MPRIP: variants seen among roughly 807,000 people sequenced by gnomAD.
MPRIP encodes myosin phosphatase Rho-interacting protein.
Under a neutral mutation model 234.9 loss-of-function variants are expected in MPRIP, and 59 were observed. The observed-to-expected ratio is 0.25, with a 90% CI of 0.20 to 0.31. MPRIP has a LOEUF of 0.31. Among genes scored for constraint, MPRIP ranks in the 10% least tolerant of loss-of-function variants. The pLI is 1.00. For missense variants in MPRIP, 2,436 were observed against 3,071.0 expected (o/e 0.79, Z 4.89); for synonymous variants, 1,144 against 1,263.9 (o/e 0.91, Z 2.01).
Position 17,164,544 on chromosome 17 carries a change from G to A in MPRIP, c.2953G>A (p.Asp985Asn). The part of the protein sequence containing the change: ...GLETQQALQR[D>N]RQKEVQRLQE... ...GGAGACACAGCAGGCGCTGCAGCGG[G>A]ACCGGCAGAAGGAGGTCCAGAGGCT... The change falls in exon 16 of 24, where the codon GAC becomes AAC. Residue 985 changes from aspartate to asparagine, a missense_variant. Transcript: ENST00000651222. The A allele has an allele frequency of 5.0e-6, 6 of 1,209,206 alleles. No homozygotes were observed. The highest frequency in any genetic ancestry group is 5.3e-6 in the Non-Finnish European group (5 of 946,822). 74.9% of individuals were successfully genotyped at this position (1,209,206 alleles called of 1,614,324 possible).
rs80094875 is a variant in MPRIP at position 17,167,870 on chromosome 17, G to C, written c.6279G>C (p.Ala2093=). 3.8e-6 allele frequency: 5 copies of C among 1,304,108 alleles called. No individual in the cohort carries two copies. In the East Asian group the frequency reaches 2.8e-4, roughly 72 times the overall value. The allele number at this position is 1,304,108 out of a possible 1,614,324, so 80.8% of individuals were successfully genotyped here. ...ELGHKDLEGD[A]ATLREKYQRD... ...GACACAAGGACCTGGAGGGCGACGC[G>C]GCCACACTGCGTGAGAAGTACCAGA... Residue 2093 remains alanine, a synonymous_variant, in exon 16 of 24, where the codon GCG becomes GCC. Transcript: ENST00000651222. This position sits in a 1 kb window ranked among gnomAD's most constrained non-coding sequence, Gnocchi z 5.9.
chr17:17,184,327 G>C (rs1475883786), intron 23 of MPRIP, among the ~76,000 whole-genome samples: 6 of 152,244 alleles, frequency 3.9e-5, no homozygotes, highest in African/African-American at 1.4e-4. Context: ...GGCAGCAGGT[G>C]CTGCGGAGGC....
Position 17,191,993 on chromosome 17 carries a change from C to T in MPRIP, c.*7099C>T, listed in dbSNP as rs1206888717. The T allele has an allele frequency of 1.3e-5, 2 of 152,152 alleles. No homozygotes were observed. Among genetic ancestry groups the T allele is most frequent in the East Asian group, 3.9e-4 (2 of 5,192 alleles). The allele number at this position is 152,152 out of a possible 1,614,324, so 9.4% of individuals were successfully genotyped here. A position where few individuals can be genotyped will look rare whatever the true frequency, so the allele number is the denominator to read the frequency against. On this transcript the variant is annotated 3_prime_UTR_variant, in exon 24 of 24. Transcript: ENST00000651222. ...AAGGTAGAAAGCATCCAAGTGGCTC[C>T]TCAACAATTACAATTCTTAATGATT...
Position 17,166,984 on chromosome 17 carries a change from C to T in MPRIP, c.5393C>T (p.Ala1798Val), listed in dbSNP as rs761414626. The T allele has an allele frequency of 1.6e-5, 21 of 1,304,132 alleles. No homozygotes were observed. In the South Asian group the frequency reaches 2.3e-4, roughly 15 times the overall value. The allele number at this position is 1,304,132 out of a possible 1,614,324, so 80.8% of individuals were successfully genotyped here. The change falls in exon 16 of 24, where the codon GCT becomes GTT. Residue 1798 changes from alanine (A) to valine (V), a missense_variant. Physicochemically the swap from Ala to Val is moderately conservative, Grantham distance 64. Coordinates refer to ENST00000651222, the MANE Select transcript of MPRIP (RefSeq NM_001364716.4). This position sits in a 1 kb window ranked among gnomAD's most constrained non-coding sequence, Gnocchi z 4.4. ...EKASLLEEIA[A>V]ALPSLPPVES... ...GCCAGCCTCTTAGAGGAGATAGCGG[C>T]TGCCTTACCATCTCTGCCACCTGTG... is the stretch of plus-strand genomic sequence containing the variant.
Position 17,165,470 on chromosome 17 carries a change from G to A in MPRIP, c.3879G>A (p.Lys1293=). The A allele has an allele frequency of 1.5e-6, 2 of 1,304,304 alleles. No individual in the cohort carries two copies. The highest frequency in any genetic ancestry group is 2.0e-6 in the Non-Finnish European group (2 of 988,972). 80.8% of individuals were successfully genotyped at this position (1,304,304 alleles called of 1,614,324 possible). The part of the protein sequence containing the change: ...PSREDSMVPP[K]SVEVLDREGH... ...GGGAAGACAGCATGGTGCCCCCAAA[G>A]TCAGTGGAAGTGCTTGACAGGGAGG... The change falls in exon 16 of 24, where the codon AAG becomes AAA. Residue 1293 remains lysine (K), a synonymous_variant. Coordinates refer to ENST00000651222, the MANE Select transcript of MPRIP (RefSeq NM_001364716.4).
chr17:17,054,974 C>T (rs1950023588), intron 1 of MPRIP, among the ~76,000 whole-genome samples: 1 of 151,356 alleles, frequency 6.6e-6, no homozygotes, highest in Non-Finnish European at 1.5e-5. Context: ...TTGCCTGAGG[C>T]AGGAGGTGGA....
intron 3 of MPRIP, among the ~76,000 whole-genome samples, chr17:17,098,632 C>CCT (rs2089899384): frequency 6.6e-6 from 1 of 152,180 alleles, no homozygotes; most frequent in African/African-American, 2.4e-5. Context: ...GCAAGAACCC[C>CCT]TTTCTCCCCT....
intron 3 of MPRIP, among the ~76,000 whole-genome samples, chr17:17,117,528 A>G (rs73979086): frequency 6.6e-6 from 1 of 152,236 alleles, no homozygotes; most frequent in Non-Finnish European, 1.5e-5. Context: ...ATGTTGGAGC[A>G]TGTGTCAGGA....
intron 16 of MPRIP, chr17:17,169,095 C>T (rs1168423409): frequency 2.3e-6 from 1 of 430,492 alleles, no homozygotes; most frequent in South Asian, 1.6e-5. Flanking sequence ...ATTCTTTCCC[C>T]AAATCAGTCA....
chr17:17,043,308 C>G (rs1230306645), intron 1 of MPRIP, among the ~76,000 whole-genome samples: 1 of 152,166 alleles, frequency 6.6e-6, no homozygotes, highest in Non-Finnish European at 1.5e-5. Context: ...TGGCTTGGGA[C>G]TGGACTTGGA....
chr17:17,049,435 C>T (rs1015900980), intron 1 of MPRIP, among the ~76,000 whole-genome samples: 4 of 152,320 alleles, frequency 2.6e-5, no homozygotes, highest in South Asian at 2.1e-4. Context: ...AAGAATCGCT[C>T]TCTCACACAC....
chr17:17,111,175 A>G (rs2670551), intron 3 of MPRIP, among the ~76,000 whole-genome samples: 1 of 146,900 alleles, frequency 6.8e-6, no homozygotes, highest in African/African-American at 2.5e-5. Context: ...AAAAGAAAAA[A>G]CCTCTAGGCA....
At chr17:17,136,523 C>CTAGCAGGCTGGCCCGGCACA in intron 6 of MPRIP, 73 bp downstream of exon 6, 1 of 1,428,604 alleles carries the variant, frequency 7.0e-7, no homozygotes, top group Non-Finnish European at 9.6e-7. Context: ...CCTGGGGATT[C>CTAGCAGGCTGGCCCGGCACA]AGCCAAGGCC....
chr17:17,083,553 G>A (rs1340481711), intron 3 of MPRIP, among the ~76,000 whole-genome samples: 9 of 152,128 alleles, frequency 5.9e-5, no homozygotes, highest in Admixed American at 4.6e-4. Flanking sequence ...GGGCATTACC[G>A]CTGAGCCCTG....
At chr17:17,175,627 G>A (rs1442160370) in intron 20 of MPRIP, among the ~76,000 whole-genome samples, 3 of 152,172 alleles carry the variant, frequency 2.0e-5, no homozygotes, top group African/African-American at 7.2e-5. Context: ...GCCCTCGAGG[G>A]GCTGTGGGGA....
chr17:17,068,971 T>G (rs1193285250), intron 1 of MPRIP, among the ~76,000 whole-genome samples: 1 of 152,240 alleles, frequency 6.6e-6, no homozygotes, highest in Non-Finnish European at 1.5e-5. Context: ...GTGAGCATCA[T>G]AGTTACGTTA....
At chr17:17,132,401 A>G (rs74688536) in intron 5 of MPRIP, among the ~76,000 whole-genome samples, 147 of 152,324 alleles carry the variant, frequency 9.7e-4, no homozygotes, top group African/African-American at 3.3e-3. Context: ...GTGAGCATGA[A>G]AGGAAGTTTT....
At position 17,165,789 on chromosome 17, in the gene MPRIP, G is replaced by T. The variant is rs746489991; in HGVS notation, c.4198G>T (p.Val1400Leu). ...LYVTEEKLKD[V>L]TVRLESQQGQ... is the part of the protein sequence containing the mutation. ...CGTCACAGAGGAAAAGCTCAAAGAC[G>T]TGACCGTGAGGCTGGAGAGCCAGCA... The change falls in exon 16 of 24, where the codon GTG becomes TTG. Residue 1400 changes from valine to leucine, a missense_variant. Val to Leu is a conservative substitution (Grantham distance 32, BLOSUM62 1). Coordinates refer to ENST00000651222, the MANE Select transcript of MPRIP (RefSeq NM_001364716.4). 2 of 1,304,550 alleles carry T rather than the reference G, an allele frequency of 1.5e-6. No homozygotes were observed. The highest frequency in any genetic ancestry group is 2.0e-6 in the Non-Finnish European group (2 of 988,974). The allele number at this position is 1,304,550 out of a possible 1,614,324, so 80.8% of individuals were successfully genotyped here.
intron 14 of MPRIP, 146 bp from the exon 15 acceptor site, chr17:17,161,094 T>C (rs2045853012): frequency 1.9e-6 from 1 of 539,806 alleles, no homozygotes; most frequent in South Asian, 2.9e-5. Flanking sequence ...ATGCTGCTGG[T>C]AAAGGCCATA....
Sources: allele counts gnomAD v4.1 joint callset (sites outside exome capture counted in the v4.1 genomes callset), GRCh38; gene constraint gnomAD v4.1.1; non-coding constraint Gnocchi (gnomAD v3.1); transcripts MANE v1.5; gene names NCBI Gene and HGNC (gene_info 2026-07-23, HGNC 2026-07-21).